AR: variants seen among roughly 807,000 people sequenced by gnomAD.
AR encodes the protein dihydrotestosterone receptor.
In AR, 8 loss-of-function variants were observed where a neutral mutation model predicts 53.9. That is an observed-to-expected ratio of 0.15 (90% CI 0.09 to 0.27). AR has a LOEUF of 0.27. Among genes scored for constraint, AR ranks in the 10% least tolerant of loss-of-function variants. The probability of loss-of-function intolerance (pLI) is 1.00; values close to 1 mark genes in which losing one functional copy is unlikely to be tolerated. For missense variants in AR, 639 were observed against 742.5 expected (o/e 0.86, Z 1.62); for synonymous variants, 359 against 316.4 (o/e 1.13, Z -1.43).
chrX:67,618,961 G>A (rs1363912974), intron 1 of AR, among the ~76,000 whole-genome samples: 1 of 111,913 alleles, frequency 8.9e-6, no homozygotes, highest in East Asian at 2.8e-4. Flanking sequence ...TGCCATCCTA[G>A]TACTTTGAAT....
chrX:67,546,498 G>C lies in AR; in HGVS notation c.1352G>C (p.Gly451Ala), dbSNP rs1488415900. The change falls in exon 1 of 8, where the codon GGT (glycine) becomes GCT (alanine). Residue 451 changes from glycine (G) to alanine (A), a missense_variant. By Grantham distance (60) the Gly-to-Ala change is moderately conservative. This residue lies in a region of AR where 423 missense variants were observed against 377.0 expected (regional missense o/e 1.12). Transcript: ENST00000374690. ...GAAGGCCAGTTGTATGGACCGTGTGGTGGTGGTGGGGGTGGTGGCGGCGGC... is the reference window on the plus strand; with the variant it reads ...GAAGGCCAGTTGTATGGACCGTGTGCTGGTGGTGGGGGTGGTGGCGGCGGC... ...AEEGQLYGPC[G>A]GGGGGGGGGG... 1 of 1,095,023 alleles carries C rather than the reference G, an allele frequency of 9.1e-7. No individual in the cohort carries two copies. The highest frequency in any genetic ancestry group is 1.2e-6 in the Non-Finnish European group (1 of 838,991). The allele number at this position is 1,095,023 out of a possible 1,213,427, so 90.2% of individuals were successfully genotyped here. A position where few individuals can be genotyped will look rare whatever the true frequency, so the allele number is the denominator to read the frequency against.
At chrX:67,630,970 T>G (rs1925061957) in intron 1 of AR, among the ~76,000 whole-genome samples, 2 of 111,579 alleles carry the variant, frequency 1.8e-5, no homozygotes, top group African/African-American at 6.5e-5. Flanking sequence ...TATTGGCCCC[T>G]ACTCTCTTCT....
At chrX:67,562,970 T>TG (rs1188031616) in intron 1 of AR, among the ~76,000 whole-genome samples, 1 of 112,245 alleles carries the variant, frequency 8.9e-6, no homozygotes, top group African/African-American at 3.2e-5. Flanking sequence ...CATATCTGTC[T>TG]ATCTATTGGC....
At chrX:67,632,601 C>T (rs186690040) in intron 1 of AR, among the ~76,000 whole-genome samples, 4 of 112,160 alleles carry the variant, frequency 3.6e-5, no homozygotes, top group Admixed American at 1.9e-4. Flanking sequence ...CACCCGTCTT[C>T]TGCTTCGCTC....
At chrX:67,706,987 G>C (rs540630895) in intron 3 of AR, among the ~76,000 whole-genome samples, 1 of 112,013 alleles carries the variant, frequency 8.9e-6, no homozygotes, top group African/African-American at 3.2e-5. Flanking sequence ...CTGAGTTCCA[G>C]TTTGATTGCA....
intron 5 of AR, among the ~76,000 whole-genome samples, chrX:67,720,466 G>A (rs189504419): frequency 8.9e-6 from 1 of 111,885 alleles, no homozygotes; most frequent in Non-Finnish European, 1.9e-5. Flanking sequence ...CAACAGAGGT[G>A]GGAAAGTACA....
chrX:67,722,776 C>T (rs2076141324), intron 6 of AR, 51 bp from the exon 7 acceptor site: 1 of 1,196,915 alleles, frequency 8.4e-7, no homozygotes, highest in Non-Finnish European at 1.1e-6. Flanking sequence ...TTGTCTAATG[C>T]TCCTTCGTGG....
At chrX:67,583,154 A>G (rs1370406942) in intron 1 of AR, among the ~76,000 whole-genome samples, 1 of 112,091 alleles carries the variant, frequency 8.9e-6, no homozygotes, top group Non-Finnish European at 1.9e-5. Context: ...ACCATAGGCT[A>G]CTATGAAATC....
At chrX:67,625,731 A>T (rs1340961239) in intron 1 of AR, among the ~76,000 whole-genome samples, 1 of 111,573 alleles carries the variant, frequency 9.0e-6, no homozygotes, top group Non-Finnish European at 1.9e-5. Context: ...GACCACTTCA[A>T]ACCTGCAAAA....
intron 1 of AR, among the ~76,000 whole-genome samples, chrX:67,553,556 G>A (rs999206064): frequency 1.8e-5 from 2 of 111,887 alleles, no homozygotes; most frequent in Admixed American, 9.5e-5. Flanking sequence ...ATTTTCAAAT[G>A]AATTGGGATA....
intron 1 of AR, among the ~76,000 whole-genome samples, chrX:67,599,101 A>G (rs1479349857): frequency 2.7e-5 from 3 of 111,885 alleles, no homozygotes; most frequent in East Asian, 2.8e-4. Context: ...GAAGGGGCCT[A>G]TTGAGCGGGT....
chrX:67,577,684 A>G (rs992816613), intron 1 of AR, among the ~76,000 whole-genome samples: 2 of 111,331 alleles, frequency 1.8e-5, no homozygotes, highest in South Asian at 3.8e-4. Flanking sequence ...AGTAATCTCA[A>G]TGGGTGTGAA....
In AR at chrX:67,563,124, A is replaced by G. The variant is rs367963324; in HGVS notation, c.1616+16362A>G. On this transcript the variant is annotated intron_variant, in intron 1 of 7. Coordinates refer to ENST00000374690, the MANE Select transcript of AR (RefSeq NM_000044.6). ...TTTTTAACAATTTAAAAGCCTATAG[A>G]TGACTCCAAAATGCCCATTTGGATG... 6.2e-5 allele frequency among the ~76,000 whole-genome samples: 7 copies of G among 112,079 alleles called. No individual in the cohort carries two copies. In the East Asian group the frequency reaches 1.4e-3, roughly 23 times the overall value.
chrX:67,726,147 T>A lies in AR; in HGVS notation c.*2306T>A, dbSNP rs1488444683. ...AAACGAACTTCAAAACAGCTTTAAA[T>A]AACAAGGGAGAGGGGAACCTAAGAT... On this transcript the variant is annotated 3_prime_UTR_variant, in exon 8 of 8. Coordinates refer to ENST00000374690, the MANE Select transcript of AR (RefSeq NM_000044.6). 1 of 174,127 alleles carries A rather than the reference T, an allele frequency of 5.7e-6. No individual in the cohort carries two copies. Among genetic ancestry groups the A allele is most frequent in the Non-Finnish European group, 1.1e-5 (1 of 91,456 alleles). 14.4% of individuals were successfully genotyped at this position (174,127 alleles called of 1,213,427 possible).
intron 1 of AR, among the ~76,000 whole-genome samples, chrX:67,583,510 T>G (rs1381604933): frequency 9.0e-6 from 1 of 111,422 alleles, no homozygotes; most frequent in Non-Finnish European, 1.9e-5. Flanking sequence ...GATGAATGAG[T>G]CTGTGTTTGT....
rs186496496 is a variant in AR, at chrX:67,674,443, G to A, written c.1769-11567G>A. ...CCCTTCAGGGTGATGAGTTCCTCAA[G>A]CAGGTCCAGGGATGGTGTCCAGGAG... is the stretch of plus-strand genomic sequence containing the variant. On this transcript the variant is annotated intron_variant, in intron 2 of 7. Transcript: ENST00000374690. Among the ~76,000 whole-genome samples the A allele has an allele frequency of 8.0e-3, 891 of 111,134 alleles. 7 individuals are homozygous for A. The highest frequency in any genetic ancestry group is 0.028 in the African/African-American group (851 of 30,567).
At chrX:67,637,586 A>T (rs1364358173) in intron 1 of AR, among the ~76,000 whole-genome samples, 1 of 108,715 alleles carries the variant, frequency 9.2e-6, no homozygotes, top group Admixed American at 9.9e-5. Context: ...ATTGTTGGAC[A>T]TTTGGGTTGG....
At position 67,724,489 on chromosome X, in the gene AR, G is replaced by A. The variant is rs2076150344; in HGVS notation, c.*648G>A. 2 of 172,929 alleles carry A rather than the reference G, an allele frequency of 1.2e-5. No homozygotes were observed. The highest frequency in any genetic ancestry group is 2.2e-5 in the Non-Finnish European group (2 of 91,414). The allele number at this position is 172,929 out of a possible 1,213,427, so 14.3% of individuals were successfully genotyped here. A position where few individuals can be genotyped will look rare whatever the true frequency, so the allele number is the denominator to read the frequency against. On this transcript the variant is annotated 3_prime_UTR_variant, in exon 8 of 8. Coordinates refer to ENST00000374690, the MANE Select transcript of AR (RefSeq NM_000044.6). ...TGATTTTTTCATCTCCTCCCTCCAC[G>A]GGAGACTTTATTTTCTGCCAATGGC...
intron 2 of AR, among the ~76,000 whole-genome samples, chrX:67,675,027 T>C (rs1476731020): frequency 3.6e-5 from 4 of 110,750 alleles, no homozygotes; most frequent in Non-Finnish European, 7.6e-5. Flanking sequence ...CTGCCAGTAC[T>C]GATTCCTTCC....
Sources: gnomAD v4.1 joint callset for allele counts (sites outside exome capture counted in the v4.1 genomes callset) on GRCh38, gnomAD v4.1.1 for gene constraint, gnomAD v4.1.1 regional missense constraint, MANE v1.5 for transcripts, NCBI Gene and HGNC (gene_info 2026-07-23, HGNC 2026-07-21) for gene names.